GNAI2: variants seen among roughly 807,000 people sequenced by gnomAD.
The protein encoded by GNAI2 is G protein subunit alpha i2.
A neutral mutation model predicts 36.8 loss-of-function variants in GNAI2; 4 were observed. The observed-to-expected ratio is 0.11, with a 90% CI of 0.05 to 0.25. The LOEUF (loss-of-function observed/expected upper bound fraction) is 0.25, where lower values mean the gene tolerates loss of function less well. Ranked by LOEUF, GNAI2 falls within the 10% of genes least tolerant of loss-of-function variation. The pLI is 1.00. For missense variants in GNAI2, 230 were observed against 481.3 expected, an observed-to-expected ratio of 0.48 and a Z score of 4.89; for synonymous variants, 194 against 194.1, an observed-to-expected ratio of 1.00 and a Z score of 0.01.
chr3:50,237,117 C>G (rs1350436544), intron 1 of GNAI2, among the ~76,000 whole-genome samples: 1 of 152,258 alleles, frequency 6.6e-6, no homozygotes, highest in Non-Finnish European at 1.5e-5. Context: ...TGCTGATCCT[C>G]CCCTAAGTCC....
In GNAI2 at chr3:50,246,827, G is replaced by T. The variant is rs1201999628; in HGVS notation, c.119-5273G>T. On this transcript the variant is annotated intron_variant, in intron 1 of 8. Coordinates refer to ENST00000313601, the MANE Select transcript of GNAI2 (RefSeq NM_002070.4). ...GCTCCTGGGCAGGAAGGAGGCCCCAGCTGTGTAGGAGTGCCGGGTTATACT... is the reference window on the plus strand; with the variant it reads ...GCTCCTGGGCAGGAAGGAGGCCCCATCTGTGTAGGAGTGCCGGGTTATACT... 4.4e-6 allele frequency: 5 copies of T among 1,145,972 alleles called. No homozygotes were observed. The Admixed American group carries it at 1.3e-4, about 30-fold the overall frequency. 71.0% of individuals were successfully genotyped at this position (1,145,972 alleles called of 1,614,324 possible).
rs782376237 is a variant in GNAI2 at position 50,253,196 on chromosome 3, GAGGGGCTGGGCAGGGCAGGGC to G, written c.464+23_464+43del. 2.5e-6 allele frequency: 4 copies of G among 1,602,244 alleles called. No individual in the cohort carries two copies. In the South Asian group the frequency reaches 4.4e-5, roughly 18 times the overall value. The stretch of plus-strand genomic sequence containing the variant: ...GACTCAGCTGCCTAGTGAGTGCTCT[GAGGGGCTGGGCAGGGCAGGGC>G]AGGGGCTGGGGGAGGACTAAAGGCT... On this transcript the variant is annotated intron_variant, in intron 4 of 8. Transcript: ENST00000313601. The surrounding 1 kb of genome is among the most constrained non-coding windows in gnomAD (Gnocchi z 4.2).
At chr3:50,245,316 A>G (rs1184371285) in intron 1 of GNAI2, among the ~76,000 whole-genome samples, 1 of 152,182 alleles carries the variant, frequency 6.6e-6, no homozygotes, top group Non-Finnish European at 1.5e-5. Context: ...GATTCTTAGC[A>G]TGGTCTCCTG....
Position 50,238,378 on chromosome 3 carries a change from G to C in GNAI2, c.118+1925G>C, listed in dbSNP as rs587661942. On this transcript the variant is annotated intron_variant, in intron 1 of 8. Transcript: ENST00000313601. The surrounding 1 kb of genome is among the most constrained non-coding windows in gnomAD (Gnocchi z 5.0). ...ACCAGAAGGGTCCCCCATCCCACCA[G>C]GCCTGCTCCTTGGAGCCCAGCTCAC... is the stretch of plus-strand genomic sequence containing the variant. 7 of 152,460 alleles carry C rather than the reference G, an allele frequency of 4.6e-5. No individual in the cohort carries two copies. The highest frequency in any genetic ancestry group is 1.7e-4 in the African/African-American group (7 of 41,584). 9.4% of individuals were successfully genotyped at this position (152,460 alleles called of 1,614,324 possible).
chr3:50,236,513 T>C lies in GNAI2; in HGVS notation c.118+60T>C. 1 of 1,545,546 alleles carries C rather than the reference T, an allele frequency of 6.5e-7. No homozygotes were observed. Among genetic ancestry groups the C allele is most frequent in the African/African-American group, 1.4e-5 (1 of 69,966 alleles). On this transcript the variant is annotated intron_variant, in intron 1 of 8. Coordinates refer to ENST00000313601, the MANE Select transcript of GNAI2 (RefSeq NM_002070.4). This position sits in a 1 kb window ranked among gnomAD's most constrained non-coding sequence, Gnocchi z 4.0. ...CCAGCTCGAATCCCCAGACAAGGAC[T>C]TTGACCTCCCAGACTAGGGCTTCAA...
chr3:50,251,580 T>C, intron 1 of GNAI2: 1 of 1,216,550 alleles, frequency 8.2e-7, no homozygotes, highest in Middle Eastern at 2.3e-4. Context: ...CATTGGGCCA[T>C]GTCCAGAAAG....
chr3:50,231,011 A>G (rs782119628), intron 1 of GNAI2: 3 of 962,752 alleles, frequency 3.1e-6, no homozygotes, highest in Non-Finnish European at 3.7e-6. Flanking sequence ...TTGTTTCTTC[A>G]GCTCTCAGCC....
chr3:50,230,415 G>A (rs141767865), upstream of GNAI2: 6 of 152,394 alleles, frequency 3.9e-5, no homozygotes, highest in African/African-American at 1.4e-4. Context: ...GTGGAGGTAG[G>A]GTGGTCAGGA....
intron 5 of GNAI2, 96 bp from the exon 6 acceptor site, chr3:50,256,627 G>A: frequency 1.5e-6 from 2 of 1,337,568 alleles, no homozygotes; most frequent in Non-Finnish European, 1.1e-6. Context: ...GCCCTACTCT[G>A]GGCAGGCCTC....
At position 50,253,954 on chromosome 3, in the gene GNAI2, G is replaced by C. The variant is rs1311513325; in HGVS notation, c.464+770G>C. Among the ~76,000 whole-genome samples the C allele has an allele frequency of 6.6e-6, 1 of 152,110 alleles. No homozygotes were observed. The highest frequency in any genetic ancestry group is 1.5e-5 in the Non-Finnish European group (1 of 68,008). ...CATAGCATGTGCAGCATCTCGGGGT[G>C]GTGGGGAGCTGGCTGTGCTTGAACA... On this transcript the variant is annotated intron_variant, in intron 4 of 8. Transcript: ENST00000313601. This position sits in a 1 kb window ranked among gnomAD's most constrained non-coding sequence, Gnocchi z 4.2.
At position 50,253,085 on chromosome 3, in the gene GNAI2, A is replaced by T; in HGVS notation, c.365A>T (p.Asp122Val). Residue 122 changes from aspartate (D) to valine (V), a missense_variant, in exon 4 of 9, where the codon GAT (aspartate) becomes GTT (valine). Physicochemically the swap from Asp to Val is radical, Grantham distance 152. This residue lies in a region of GNAI2 where 132 missense variants were observed against 247.4 expected (regional missense o/e 0.53). Transcript: ENST00000313601. The surrounding 1 kb of genome is among the most constrained non-coding windows in gnomAD (Gnocchi z 4.2). ...CTAEEQGVLPDDLSGVIRRLW... is the reference protein window; with the variant it reads ...CTAEEQGVLPVDLSGVIRRLW... ...GCCGAGGAGCAAGGCGTGCTCCCTG[A>T]TGACCTGTCCGGCGTCATCCGGAGG... The T allele has an allele frequency of 3.1e-6, 5 of 1,613,182 alleles. No individual in the cohort carries two copies. Among genetic ancestry groups the T allele is most frequent in the Non-Finnish European group, 4.2e-6 (5 of 1,179,504 alleles).
At chr3:50,257,271 C>T (rs1700724460) in intron 7 of GNAI2, among the ~76,000 whole-genome samples, 181 bp downstream of exon 7, 1 of 152,216 alleles carries the variant, frequency 6.6e-6, no homozygotes, top group Admixed American at 6.5e-5. Flanking sequence ...GCCCTTAACA[C>T]ACTCAAGCAT....
chr3:50,256,323 G>A lies in GNAI2; in HGVS notation c.593+3G>A. The A allele has an allele frequency of 6.2e-7, 1 of 1,613,900 alleles. No individual in the cohort carries two copies. Among genetic ancestry groups the A allele is most frequent in the Non-Finnish European group, 8.5e-7 (1 of 1,179,830 alleles). On this transcript the variant is annotated splice_donor_region_variant and intron_variant, in intron 5 of 8. Coordinates refer to ENST00000313601, the MANE Select transcript of GNAI2 (RefSeq NM_002070.4). ...ACCTTCAAGGACCTACACTTCAAGT[G>A]AGCGAGCATGTGGACAGGTGGGAGG...
chr3:50,236,460 C>T lies in GNAI2; in HGVS notation c.118+7C>T. The T allele has an allele frequency of 6.4e-7, 1 of 1,572,864 alleles. No individual in the cohort carries two copies. The highest frequency in any genetic ancestry group is 1.4e-5 in the African/African-American group (1 of 71,462). ...GTGAAGTTGCTGCTGTTGGGTGAGG[C>T]CGCGTCCCGCACTGGGATCCTTGAT... On this transcript the variant is annotated splice_region_variant and intron_variant, in intron 1 of 8. Transcript: ENST00000313601. The surrounding 1 kb of genome is among the most constrained non-coding windows in gnomAD (Gnocchi z 4.0).
chr3:50,236,319 G>A lies in GNAI2; in HGVS notation c.-17G>A, dbSNP rs1700166900. 7.2e-7 allele frequency: 1 copy of A among 1,382,336 alleles called. No individual in the cohort carries two copies. The highest frequency in any genetic ancestry group is 1.8e-5 in the South Asian group (1 of 56,920). The allele number at this position is 1,382,336 out of a possible 1,614,324, so 85.6% of individuals were successfully genotyped here. A position where few individuals can be genotyped will look rare whatever the true frequency, so the allele number is the denominator to read the frequency against. On this transcript the variant is annotated 5_prime_UTR_variant, in exon 1 of 9. Transcript: ENST00000313601. This position sits in a 1 kb window ranked among gnomAD's most constrained non-coding sequence, Gnocchi z 4.0. ...CCGTGTGGGGGCCGGGCGGCGGCCGGGCCGGCGGACGGCGGGATGGGCTGC... is the reference window on the plus strand; with the variant it reads ...CCGTGTGGGGGCCGGGCGGCGGCCGAGCCGGCGGACGGCGGGATGGGCTGC...
In GNAI2 at chr3:50,252,142, A is replaced by G; in HGVS notation, c.161A>G (p.Lys54Arg). Residue 54 changes from lysine (K) to arginine (R), a missense_variant and splice_region_variant, in exon 2 of 9, where the codon AAG becomes AGG. Physicochemically the swap from Lys to Arg is conservative, Grantham distance 26. Transcript: ENST00000313601. This position sits in a 1 kb window ranked among gnomAD's most constrained non-coding sequence, Gnocchi z 4.1. ...AAGAGCACCATCGTCAAGCAGATGA[A>G]GTAAGTGCTGTATTCCAGAGGCAGT... is the stretch of plus-strand genomic sequence containing the variant. ...SGKSTIVKQMKIIHEDGYSEE... is the reference protein window; with the variant it reads ...SGKSTIVKQMRIIHEDGYSEE... The G allele has an allele frequency of 6.2e-7, 1 of 1,613,450 alleles. No homozygotes were observed. The highest frequency in any genetic ancestry group is 8.5e-7 in the Non-Finnish European group (1 of 1,179,584).
intron 1 of GNAI2, chr3:50,251,857 G>A (rs1553702511): frequency 1.7e-6 from 2 of 1,178,906 alleles, no homozygotes; most frequent in Non-Finnish European, 2.3e-6. Context: ...GCTTGTGGGA[G>A]GCAAAGGCCT....
Position 50,242,914 on chromosome 3 carries a change from C to T in GNAI2, c.118+6461C>T, listed in dbSNP as rs1427842824. ...TGGCAGCACCTACTGTGTGTGCCCC[C>T]GGCGGGAGGAGGAGGTAATGAAGTC... On this transcript the variant is annotated intron_variant, in intron 1 of 8. Coordinates refer to ENST00000313601, the MANE Select transcript of GNAI2 (RefSeq NM_002070.4). This position sits in a 1 kb window ranked among gnomAD's most constrained non-coding sequence, Gnocchi z 4.8. Among the ~76,000 whole-genome samples, 3 of 152,122 alleles carry T rather than the reference C, an allele frequency of 2.0e-5. No individual in the cohort carries two copies. The highest frequency in any genetic ancestry group is 6.5e-5 in the Admixed American group (1 of 15,272).
At chr3:50,237,760 G>C (rs1255272571) in intron 1 of GNAI2, among the ~76,000 whole-genome samples, 3 of 148,632 alleles carry the variant, frequency 2.0e-5, no homozygotes, top group Non-Finnish European at 4.5e-5. Flanking sequence ...TTTTGATTTG[G>C]GGGTTTTAGA....
Sources: gnomAD v4.1 joint callset for allele counts (sites outside exome capture counted in the v4.1 genomes callset) on GRCh38, gnomAD v4.1.1 for gene constraint, gnomAD v4.1.1 regional missense constraint, Gnocchi (gnomAD v3.1) non-coding constraint, MANE v1.5 for transcripts, NCBI Gene and HGNC (gene_info 2026-07-23, HGNC 2026-07-21) for gene names.